Variants in DSTN observed in about 807,000 individuals in gnomAD.
The protein encoded by DSTN is destrin, actin depolymerizing factor.
A neutral mutation model predicts 16.8 loss-of-function variants in DSTN; 10 were observed. The observed-to-expected ratio is 0.60, with a 90% CI of 0.37 to 1.01. The LOEUF (loss-of-function observed/expected upper bound fraction) is 1.01. Ranked by LOEUF, DSTN falls within the 50% of genes least tolerant of loss-of-function variation. The pLI is 0.01. For synonymous variants in DSTN, 57 were observed against 58.9 expected (o/e 0.97, Z 0.14); for missense variants, 141 against 196.7 (o/e 0.72, Z 1.69).
chr20:17,570,414 G>T (rs2035185729), intron 1 of DSTN, among the ~76,000 whole-genome samples: 1 of 152,252 alleles, frequency 6.6e-6, no homozygotes, highest in Non-Finnish European at 1.5e-5. Flanking sequence ...CGCGCCCCGG[G>T]GTGGATCCGC....
At chr20:17,606,122 A>AT (rs1016996211) in intron 3 of DSTN, among the ~76,000 whole-genome samples, 2 of 152,026 alleles carry the variant, frequency 1.3e-5, no homozygotes, top group African/African-American at 2.4e-5. Flanking sequence ...AAAAAAAAAA[A>AT]GATAGTGACC....
At chr20:17,574,506 A>C (rs1170912059) in intron 1 of DSTN, among the ~76,000 whole-genome samples, 1 of 152,046 alleles carries the variant, frequency 6.6e-6, no homozygotes, top group East Asian at 1.9e-4. Flanking sequence ...CACACAGTAG[A>C]TATATGGGAA....
chr20:17,592,981 A>T (rs1315958740), intron 1 of DSTN, among the ~76,000 whole-genome samples: 1 of 152,114 alleles, frequency 6.6e-6, no homozygotes, highest in Non-Finnish European at 1.5e-5. Context: ...GGCTTCATGT[A>T]TTTTCCCAAA....
At chr20:17,602,652 TTAAAG>T (rs1258715245) in intron 2 of DSTN, among the ~76,000 whole-genome samples, 2 of 152,226 alleles carry the variant, frequency 1.3e-5, no homozygotes, top group Admixed American at 6.5e-5. Context: ...GGAGCAGCTC[TTAAAG>T]TAGTTTAACA....
At chr20:17,597,403 T>A (rs899725572) in intron 1 of DSTN, among the ~76,000 whole-genome samples, 3 of 152,210 alleles carry the variant, frequency 2.0e-5, no homozygotes, top group Non-Finnish European at 4.4e-5. Flanking sequence ...AAGTAAATGC[T>A]AGGATCTTAG....
chr20:17,591,790 G>A (rs1465583232), intron 1 of DSTN: 3 of 644,566 alleles, frequency 4.7e-6, no homozygotes, highest in Non-Finnish European at 5.8e-6. Context: ...AGGTGACATA[G>A]CTAGTTAGTA....
chr20:17,606,922 G>T (rs2035649111), intron 3 of DSTN, 115 bp from the exon 4 acceptor site: 1 of 887,448 alleles, frequency 1.1e-6, no homozygotes, highest in Non-Finnish European at 1.7e-6. Context: ...TTCCGTGTTT[G>T]TATATACCCC....
intron 1 of DSTN, among the ~76,000 whole-genome samples, chr20:17,595,059 T>A (rs2035511386): frequency 6.6e-6 from 1 of 152,220 alleles, no homozygotes; most frequent in African/African-American, 2.4e-5. Flanking sequence ...ATTGAAAGCT[T>A]GAGCTTGGGT....
chr20:17,570,499 C>T (rs1568726841), intron 1 of DSTN, among the ~76,000 whole-genome samples: 1 of 152,202 alleles, frequency 6.6e-6, no homozygotes, highest in Non-Finnish European at 1.5e-5. Flanking sequence ...CCAGACCCGG[C>T]CTTGCAACAA....
chr20:17,595,125 C>T (rs1424858425), intron 1 of DSTN, among the ~76,000 whole-genome samples: 2 of 152,148 alleles, frequency 1.3e-5, no homozygotes, highest in Non-Finnish European at 2.9e-5. Context: ...TGCCATCAGC[C>T]TCTGCTTTCC....
At chr20:17,596,177 TTTC>T (rs1568737686) in intron 1 of DSTN, among the ~76,000 whole-genome samples, 1 of 152,228 alleles carries the variant, frequency 6.6e-6, no homozygotes, top group African/African-American at 2.4e-5. Context: ...CTTCCTTCTT[TTTC>T]TTCTTAGTTT....
At chr20:17,599,271 T>C (rs886521901) in intron 1 of DSTN, 1 of 152,304 alleles carries the variant, frequency 6.6e-6, no homozygotes, top group Non-Finnish European at 1.5e-5. Flanking sequence ...GCCACTAGGC[T>C]GCAGCCTGGG....
At chr20:17,597,981 ACAGTG>A (rs2035546275) in intron 1 of DSTN, among the ~76,000 whole-genome samples, 1 of 143,186 alleles carries the variant, frequency 7.0e-6, no homozygotes, top group Admixed American at 7.3e-5. Context: ...TTCACTTAGC[ACAGTG>A]TTTGTCAAGG....
chr20:17,603,274 T>C (rs528375823), intron 2 of DSTN, among the ~76,000 whole-genome samples: 13 of 152,206 alleles, frequency 8.5e-5, no homozygotes, highest in Non-Finnish European at 1.9e-4. Flanking sequence ...TATTAAATGC[T>C]CAGAAGTATT....
chr20:17,588,663 A>G (rs1441548621), intron 1 of DSTN, among the ~76,000 whole-genome samples: 4 of 152,166 alleles, frequency 2.6e-5, no homozygotes, highest in African/African-American at 9.7e-5. Flanking sequence ...GGGCGCCTGT[A>G]GTCCCAGCTA....
At chr20:17,574,870 GTTTT>G (rs533880691) in intron 1 of DSTN, among the ~76,000 whole-genome samples, 3 of 81,170 alleles carry the variant, frequency 3.7e-5, no homozygotes, top group Non-Finnish European at 6.5e-5. Context: ...CTTTTCTTTT[GTTTT>G]TTTTTTTTTT....
At chr20:17,578,352 T>G (rs1031947154) in intron 1 of DSTN, among the ~76,000 whole-genome samples, 1 of 151,988 alleles carries the variant, frequency 6.6e-6, no homozygotes, top group Non-Finnish European at 1.5e-5. Flanking sequence ...GGAGGTGGAG[T>G]CCTTTAATTT....
At chr20:17,597,517 A>G (rs2035539101) in intron 1 of DSTN, among the ~76,000 whole-genome samples, 1 of 152,184 alleles carries the variant, frequency 6.6e-6, no homozygotes, top group Non-Finnish European at 1.5e-5. Context: ...TGCTACATGC[A>G]TGGATGGTAG....
At chr20:17,573,919 G>T (rs1304079713) in intron 1 of DSTN, among the ~76,000 whole-genome samples, 1 of 147,636 alleles carries the variant, frequency 6.8e-6, no homozygotes, top group African/African-American at 2.5e-5. Context: ...AAAAAAATCA[G>T]CTGGATACAG....
Sources: gnomAD v4.1 joint callset for allele counts (sites outside exome capture counted in the v4.1 genomes callset) on GRCh38, gnomAD v4.1.1 for gene constraint, MANE v1.5 for transcripts, NCBI Gene and HGNC (gene_info 2026-07-23, HGNC 2026-07-21) for gene names.